SAMMSON: variants seen among roughly 807,000 people sequenced by gnomAD.
SAMMSON encodes survival associated mitochondrial melanoma specific oncogenic non-coding RNA.
chr3:70,350,810 G>C (rs778882535), intron 7 of SAMMSON, among the ~76,000 whole-genome samples: 1 of 152,046 alleles, frequency 6.6e-6, no homozygotes, highest in African/African-American at 2.4e-5. Context: ...TACTGTGGAC[G>C]GCCTAATTTA....
chr3:70,259,204 A>G (rs1470974244), intron 6 of SAMMSON, among the ~76,000 whole-genome samples: 1 of 152,146 alleles, frequency 6.6e-6, no homozygotes. Context: ...ATTTCCCAGA[A>G]CACATTCTAT....
chr3:70,118,780 A>G (rs924241963), intron 4 of SAMMSON, among the ~76,000 whole-genome samples: 3 of 152,078 alleles, frequency 2.0e-5, no homozygotes, highest in African/African-American at 4.8e-5. Flanking sequence ...TGTTACCCCT[A>G]TTTTACAGGT....
At chr3:70,136,682 G>A (rs1427646263) in intron 4 of SAMMSON, among the ~76,000 whole-genome samples, 1 of 152,204 alleles carries the variant, frequency 6.6e-6, no homozygotes, top group Admixed American at 6.5e-5. Context: ...TAAACTGAAA[G>A]TAGAGACATG....
In SAMMSON at chr3:70,151,326, T is replaced by A. The variant is rs1301924654; in HGVS notation, n.507+79761T>A. ...GGGTGTTCAGCTGGTGGAAGTACTT[T>A]TGGGTTCTGCTCCATGAGGCTGGTT... On this transcript the variant is annotated intron_variant and non_coding_transcript_variant, in intron 4 of 9. Coordinates refer to ENST00000642114, the Ensembl canonical transcript of SAMMSON. Among the ~76,000 whole-genome samples, 3 of 152,040 alleles carry A rather than the reference T, an allele frequency of 2.0e-5. No homozygotes were observed. The East Asian group carries it at 5.8e-4, about 29-fold the overall frequency.
chr3:70,028,194 T>C (rs533546650), intron 3 of SAMMSON, among the ~76,000 whole-genome samples: 158 of 149,526 alleles, frequency 1.1e-3, no homozygotes, highest in African/African-American at 3.9e-3. Flanking sequence ...TTCCTTTCTT[T>C]CTTTCTTTCT....
intron 7 of SAMMSON, among the ~76,000 whole-genome samples, chr3:70,324,890 C>G (rs914312152): frequency 6.9e-6 from 1 of 144,000 alleles, no homozygotes; most frequent in Non-Finnish European, 1.5e-5. Flanking sequence ...TCTTCTCCAT[C>G]ATGAGTTGGA....
intron 2 of SAMMSON, among the ~76,000 whole-genome samples, chr3:70,405,726 G>T (rs1384394702): frequency 6.6e-6 from 1 of 152,176 alleles, no homozygotes; most frequent in African/African-American, 2.4e-5. Flanking sequence ...AGTCGAATCT[G>T]CATGTAGCTG....
chr3:70,214,011 A>G (rs1160169238), intron 4 of SAMMSON, among the ~76,000 whole-genome samples: 1 of 152,104 alleles, frequency 6.6e-6, no homozygotes, highest in African/African-American at 2.4e-5. Context: ...TCTTCTTTGA[A>G]AGCTGGGTAA....
intron 7 of SAMMSON, among the ~76,000 whole-genome samples, chr3:70,337,579 T>C (rs1310401119): frequency 6.6e-6 from 1 of 152,018 alleles, no homozygotes; most frequent in Non-Finnish European, 1.5e-5. Context: ...TTTTGCAATC[T>C]TTATTTAGGG....
At chr3:70,336,700 A>T (rs1702662759) in intron 7 of SAMMSON, among the ~76,000 whole-genome samples, 1 of 151,884 alleles carries the variant, frequency 6.6e-6, no homozygotes, top group Non-Finnish European at 1.5e-5. Context: ...CAGTAGTTGA[A>T]CTTACTAGCA....
intron 4 of SAMMSON, among the ~76,000 whole-genome samples, chr3:70,163,144 C>T (rs145838381): frequency 1.8e-3 from 275 of 151,378 alleles, no homozygotes; most frequent in African/African-American, 6.2e-3. Flanking sequence ...TCACATTCAA[C>T]GCAATGATTG....
At chr3:70,393,744 A>G (rs895479080), downstream of SAMMSON, among the ~76,000 whole-genome samples, 5 of 152,096 alleles carry the variant, frequency 3.3e-5, no homozygotes, top group Non-Finnish European at 7.4e-5. Context: ...GGAGGTGGAA[A>G]TAAACTTCAC....
intron 4 of SAMMSON, among the ~76,000 whole-genome samples, chr3:70,083,455 G>A (rs985040122): frequency 5.3e-5 from 8 of 152,170 alleles, no homozygotes; most frequent in African/African-American, 1.9e-4. Context: ...TCAGGGAAGG[G>A]TGGAAGTGGT....
intron 1 of SAMMSON, among the ~76,000 whole-genome samples, chr3:70,002,642 T>G (rs1455629667): frequency 2.0e-5 from 3 of 152,332 alleles, no homozygotes; most frequent in African/African-American, 7.2e-5. Flanking sequence ...AAAACAGATT[T>G]CTTAAACTCC....
At chr3:70,267,002 C>T (rs918702220) in intron 6 of SAMMSON, among the ~76,000 whole-genome samples, 2 of 152,088 alleles carry the variant, frequency 1.3e-5, no homozygotes, top group African/African-American at 2.4e-5. Context: ...CAACATTTTC[C>T]GGTCATAGTT....
At chr3:70,135,571 A>G (rs1018126232) in intron 4 of SAMMSON, among the ~76,000 whole-genome samples, 5 of 152,202 alleles carry the variant, frequency 3.3e-5, no homozygotes, top group African/African-American at 4.8e-5. Flanking sequence ...AAAGTGATTG[A>G]TGCATATTTT....
At chr3:70,060,956 G>A (rs186923121) in intron 3 of SAMMSON, among the ~76,000 whole-genome samples, 47 of 152,066 alleles carry the variant, frequency 3.1e-4, no homozygotes, top group African/African-American at 1.1e-3. Flanking sequence ...GAGTGAGTGG[G>A]AGTGGAAAAT....
intron 4 of SAMMSON, among the ~76,000 whole-genome samples, chr3:70,110,231 T>G (rs979639070): frequency 6.6e-6 from 1 of 152,212 alleles, no homozygotes; most frequent in Non-Finnish European, 1.5e-5. Flanking sequence ...GAGCTGTCTT[T>G]TTCGTATTTG....
At chr3:70,140,281 A>T (rs917507891) in intron 4 of SAMMSON, 1 of 202,746 alleles carries the variant, frequency 4.9e-6, no homozygotes, top group African/African-American at 2.3e-5. Flanking sequence ...GAGGAAGAGC[A>T]AGAGGAGGAA....
Sources: gnomAD v4.1 joint callset for allele counts (sites outside exome capture counted in the v4.1 genomes callset) on GRCh38, gnomAD v4.1.1 for gene constraint, MANE v1.5 for transcripts, NCBI Gene and HGNC (gene_info 2026-07-23, HGNC 2026-07-21) for gene names.